The following CDK13 variants were observed in gnomAD, a reference collection of about 807,000 sequenced individuals.
The protein encoded by CDK13 is cyclin dependent kinase 13.
A neutral mutation model predicts 137.6 loss-of-function variants in CDK13; 40 were observed. That is an observed-to-expected ratio of 0.29 (90% CI 0.23 to 0.38). CDK13 has a LOEUF of 0.38. Among genes scored for constraint, CDK13 ranks in the 10% least tolerant of loss-of-function variants. CDK13 has a pLI of 1.00. For missense variants in CDK13, 1,704 were observed against 1,951.8 expected (o/e 0.87, Z 2.39); for synonymous variants, 869 against 760.1 (o/e 1.14, Z -2.36).
intron 5 of CDK13, among the ~76,000 whole-genome samples, chr7:40,040,138 A>G (rs1362233834): frequency 1.3e-5 from 2 of 151,574 alleles, no homozygotes; most frequent in African/African-American, 4.9e-5. Flanking sequence ...CTGCCTCCCC[A>G]GTAGCTGGGA....
chr7:39,973,070 G>A (rs1207768218), intron 1 of CDK13, among the ~76,000 whole-genome samples: 1 of 152,200 alleles, frequency 6.6e-6, no homozygotes, highest in East Asian at 1.9e-4. Flanking sequence ...ATGTGTTTTT[G>A]ACCATTTGAG....
At chr7:39,973,210 C>A (rs1784037091) in intron 1 of CDK13, among the ~76,000 whole-genome samples, 1 of 152,148 alleles carries the variant, frequency 6.6e-6, no homozygotes, top group Non-Finnish European at 1.5e-5. Context: ...AATTTTGGCT[C>A]ACTGCAGCCT....
chr7:40,052,577 G>C (rs1444207547), intron 7 of CDK13, among the ~76,000 whole-genome samples: 1 of 152,164 alleles, frequency 6.6e-6, no homozygotes, highest in African/African-American at 2.4e-5. Context: ...ATCCAGTAAG[G>C]AGAGAGAAGG....
At position 39,983,726 on chromosome 7, in the gene CDK13, C is replaced by T. The variant is rs367623398; in HGVS notation, c.1212-3873C>T. On this transcript the variant is annotated intron_variant, in intron 1 of 13. Coordinates refer to ENST00000181839, the MANE Select transcript of CDK13 (RefSeq NM_003718.5). Reference sequence around the variant, plus strand: ...ATCTGATCAGGGGATAGAAACATGACGTATATCAGACTTGTTTGGAGCTCC... The same window carrying T: ...ATCTGATCAGGGGATAGAAACATGATGTATATCAGACTTGTTTGGAGCTCC... Among the ~76,000 whole-genome samples, 27 of 152,160 alleles carry T rather than the reference C, an allele frequency of 1.8e-4. No homozygotes were observed. In the East Asian group the frequency reaches 3.9e-3, roughly 22 times the overall value.
At chr7:39,982,560 T>G (rs1784251650) in intron 1 of CDK13, among the ~76,000 whole-genome samples, 2 of 152,128 alleles carry the variant, frequency 1.3e-5, no homozygotes, top group African/African-American at 4.8e-5. Context: ...CAAATGGTAT[T>G]TCTAGTTCTA....
chr7:40,089,721 A>C (rs945472499), intron 12 of CDK13, among the ~76,000 whole-genome samples: 174 of 126,830 alleles, frequency 1.4e-3, no homozygotes, highest in African/African-American at 5.9e-3. Flanking sequence ...AGAGAGAGAG[A>C]GAGTGTGTGT....
intron 5 of CDK13, among the ~76,000 whole-genome samples, chr7:40,031,714 T>C (rs1241145602): frequency 6.6e-6 from 1 of 151,856 alleles, no homozygotes; most frequent in Non-Finnish European, 1.5e-5. Context: ...GGCACAATCA[T>C]GGCTTACTGT....
intron 1 of CDK13, among the ~76,000 whole-genome samples, chr7:39,955,059 CTT>C (rs1787367432): frequency 6.6e-6 from 1 of 152,174 alleles, no homozygotes; most frequent in African/African-American, 2.4e-5. Context: ...CTTAGCTTTA[CTT>C]TTTCCCCTGT....
chr7:40,035,149 T>C (rs1485082512), intron 5 of CDK13, among the ~76,000 whole-genome samples: 4 of 152,252 alleles, frequency 2.6e-5, no homozygotes, highest in Non-Finnish European at 5.9e-5. Flanking sequence ...AATGAAATTT[T>C]ATGTGGCATG....
chr7:40,086,861 A>G (rs1453380247), intron 11 of CDK13, among the ~76,000 whole-genome samples: 1 of 137,678 alleles, frequency 7.3e-6, no homozygotes, highest in South Asian at 2.3e-4. Flanking sequence ...CACCCAGGCC[A>G]GAGTGCAGTG....
At chr7:40,066,178 C>T (rs1786275724) in intron 9 of CDK13, among the ~76,000 whole-genome samples, 1 of 152,202 alleles carries the variant, frequency 6.6e-6, no homozygotes, top group Non-Finnish European at 1.5e-5. Context: ...GCATTCCAGC[C>T]TGGTTGACAG....
intron 2 of CDK13, among the ~76,000 whole-genome samples, chr7:39,996,175 T>C (rs907774706): frequency 1.3e-5 from 2 of 152,244 alleles, no homozygotes; most frequent in Non-Finnish European, 2.9e-5. Context: ...AAAGGATTCA[T>C]TTGTTTTACA....
Position 40,077,055 on chromosome 7 carries a change from A to C in CDK13, c.2781-950A>C, listed in dbSNP as rs1051773550. Among the ~76,000 whole-genome samples the C allele has an allele frequency of 3.9e-5, 6 of 152,202 alleles. No individual in the cohort carries two copies. The East Asian group carries it at 1.2e-3, about 29-fold the overall frequency. ...TATAGCATTTCTTCTACAAATTACCATAACAAGGATTTACTAGTTAATGCT... is the reference window on the plus strand; with the variant it reads ...TATAGCATTTCTTCTACAAATTACCCTAACAAGGATTTACTAGTTAATGCT... On this transcript the variant is annotated intron_variant, in intron 9 of 13. Coordinates refer to ENST00000181839, the MANE Select transcript of CDK13 (RefSeq NM_003718.5).
intron 1 of CDK13, among the ~76,000 whole-genome samples, chr7:39,977,826 AG>A (rs1784142318): frequency 6.6e-6 from 1 of 152,178 alleles, no homozygotes; most frequent in African/African-American, 2.4e-5. Flanking sequence ...AATGTGGAAT[AG>A]TAGCTATGGG....
intron 2 of CDK13, among the ~76,000 whole-genome samples, chr7:39,989,086 C>CAAAAAAAAAAA (rs1213730855): frequency 4.3e-5 from 2 of 46,680 alleles, no homozygotes; most frequent in Non-Finnish European, 3.7e-5. Flanking sequence ...CGTGTCTCAC[C>CAAAAAAAAAAA]AAAAAAAAAA....
chr7:40,068,291 A>G (rs1276640273), intron 9 of CDK13, among the ~76,000 whole-genome samples: 1 of 151,944 alleles, frequency 6.6e-6, no homozygotes, highest in Non-Finnish European at 1.5e-5. Flanking sequence ...GCAAAGTAAT[A>G]AAGACTCTGA....
chr7:39,993,491 A>C (rs567650563), intron 2 of CDK13, among the ~76,000 whole-genome samples: 1 of 152,034 alleles, frequency 6.6e-6, no homozygotes, highest in Admixed American at 6.6e-5. Flanking sequence ...ATTTTGCTTC[A>C]TTCTCAAAAT....
At chr7:40,087,248 A>G (rs539548821) in intron 11 of CDK13, among the ~76,000 whole-genome samples, 7 of 152,144 alleles carry the variant, frequency 4.6e-5, no homozygotes, top group East Asian at 3.9e-4. Flanking sequence ...GGCTCAAGCT[A>G]TTCTCCCACT....
At chr7:39,997,697 G>A in intron 3 of CDK13, 33 bp downstream of exon 3, 1 of 1,529,998 alleles carries the variant, frequency 6.5e-7, no homozygotes, top group Non-Finnish European at 9.0e-7. Context: ...CTCTTAAATT[G>A]ACCAGCAGTG....
Sources: gnomAD v4.1 joint callset for allele counts (sites outside exome capture counted in the v4.1 genomes callset) on GRCh38, gnomAD v4.1.1 for gene constraint, MANE v1.5 for transcripts, NCBI Gene and HGNC (gene_info 2026-07-23, HGNC 2026-07-21) for gene names.